PCDHA2: variants seen among roughly 807,000 people sequenced by gnomAD.
PCDHA2 encodes protocadherin alpha-2.
PCDHA2 carries 58 observed loss-of-function variants against 66.0 expected under a neutral mutation model. The observed-to-expected ratio is 0.88, with a 90% CI of 0.71 to 1.09. The LOEUF (loss-of-function observed/expected upper bound fraction) is 1.09, where lower values mean the gene tolerates loss of function less well. PCDHA2 is among the 50% of genes least tolerant of loss of function. PCDHA2 has a pLI of 0.00. For missense variants in PCDHA2, 1,267 were observed against 1,242.3 expected, an observed-to-expected ratio of 1.02 and a Z score of -0.30; for synonymous variants, 634 against 554.0, an observed-to-expected ratio of 1.14 and a Z score of -2.03.
intron 1 of PCDHA2, chr5:140,883,440 C>T (rs781949896): frequency 1.9e-6 from 3 of 1,614,152 alleles, no homozygotes; most frequent in Non-Finnish European, 2.5e-6. Flanking sequence ...ACCTTGACGC[C>T]GCATGTCCCC....
intron 1 of PCDHA2, chr5:140,867,192 C>T (rs2049812222): frequency 1.3e-5 from 2 of 152,080 alleles, no homozygotes; most frequent in African/African-American, 4.8e-5. Flanking sequence ...CGCAAGACTC[C>T]ACATTCCATG....
chr5:140,833,342 T>C (rs183757705), intron 1 of PCDHA2, among the ~76,000 whole-genome samples: 3 of 152,278 alleles, frequency 2.0e-5, no homozygotes, highest in Admixed American at 2.0e-4. Flanking sequence ...GAGTGAAACA[T>C]TCCAGAAAAC....
rs1554119822 is a variant in PCDHA2 at position 140,796,296 on chromosome 5, G to T, written c.1332G>T (p.Glu444Asp). The T allele has an allele frequency of 8.1e-6, 13 of 1,614,172 alleles. No individual in the cohort carries two copies. The highest frequency in any genetic ancestry group is 1.1e-5 in the Non-Finnish European group (13 of 1,180,048). Residue 444 changes from glutamate to aspartate, a missense_variant, in exon 1 of 4, where the codon GAG (glutamate) becomes GAT (aspartate). Coordinates refer to ENST00000526136, the MANE Select transcript of PCDHA2 (RefSeq NM_018905.3). ...GGGCCACCACCAGCGTGTCCATCGA[G>T]GTGGCCGACGTGAACGACAACGCGC... ...SLWATTSVSI[E>D]VADVNDNAPA...
In PCDHA2 at chr5:141,000,416, TATATA is replaced by T. The variant is rs1214257718; in HGVS notation, c.2537-9210_2537-9206del. On this transcript the variant is annotated intron_variant, in intron 3 of 3. Coordinates refer to ENST00000526136, the MANE Select transcript of PCDHA2 (RefSeq NM_018905.3). ...CTCTCTATATATATATATATATATA[TATATA>T]TTTTTTTTTTTTTTTTTTTTTTTGA... 2.1e-3 allele frequency among the ~76,000 whole-genome samples: 195 copies of T among 93,382 alleles called. 1 individual carries two copies. Among genetic ancestry groups the T allele is most frequent in the African/African-American group, 4.2e-3 (94 of 22,362 alleles). 61.3% of individuals were successfully genotyped at this position (93,382 alleles called of 152,430 possible). A position where few individuals can be genotyped will look rare whatever the true frequency, so the allele number is the denominator to read the frequency against.
At chr5:140,908,844 C>T (rs533219921) in intron 1 of PCDHA2, among the ~76,000 whole-genome samples, 2 of 152,272 alleles carry the variant, frequency 1.3e-5, no homozygotes, top group African/African-American at 4.8e-5. Context: ...GCTGGAGTAA[C>T]ATACCCAAAT....
intron 1 of PCDHA2, among the ~76,000 whole-genome samples, chr5:140,975,601 G>A (rs943598203): frequency 1.2e-4 from 19 of 152,192 alleles, no homozygotes; most frequent in African/African-American, 4.6e-4. Flanking sequence ...GCAATTTGTT[G>A]ATGTCTTCCA....
At chr5:140,843,396 C>T (rs2150359152) in intron 1 of PCDHA2, 1 of 1,596,034 alleles carries the variant, frequency 6.3e-7, no homozygotes, top group Non-Finnish European at 8.6e-7. Flanking sequence ...CCGGAAGCGG[C>T]GCTGGTGGAT....
chr5:140,875,498 C>G lies in PCDHA2; in HGVS notation c.2388+78146C>G. 1.9e-6 allele frequency: 3 copies of G among 1,613,292 alleles called. No homozygotes were observed. Among genetic ancestry groups the G allele is most frequent in the Non-Finnish European group, 1.7e-6 (2 of 1,179,476 alleles). ...ATGGTGATTATCGGACCAAGAGGCCCGGGATCCCAGCGTCTGCTGCTCTCG... is the reference window on the plus strand; with the variant it reads ...ATGGTGATTATCGGACCAAGAGGCCGGGGATCCCAGCGTCTGCTGCTCTCG... On this transcript the variant is annotated intron_variant, in intron 1 of 3. Transcript: ENST00000526136.
chr5:140,823,023 C>G, intron 1 of PCDHA2: 1 of 1,614,226 alleles, frequency 6.2e-7, no homozygotes, highest in Non-Finnish European at 8.5e-7. Context: ...ACCGCGAGAG[C>G]GTGTCGGTCT....
At chr5:140,927,226 A>T in intron 1 of PCDHA2, 5 of 1,613,996 alleles carry the variant, frequency 3.1e-6, no homozygotes, top group Non-Finnish European at 4.2e-6. Context: ...CAAGATTCGG[A>T]TTCACGTCCT....
chr5:140,873,837 T>C (rs554313859), intron 1 of PCDHA2, among the ~76,000 whole-genome samples: 1 of 152,210 alleles, frequency 6.6e-6, no homozygotes, highest in South Asian at 2.1e-4. Context: ...ATTTTTGTAT[T>C]TTTAGTAGAG....
Position 140,849,757 on chromosome 5 carries a change from A to G in PCDHA2, c.2388+52405A>G, listed in dbSNP as rs2041104980. ...CTGGACCGCGAGAGTGTGTCCGCCT[A>G]CGAGCTGGTGGTTACCGCGCGGGAC... On this transcript the variant is annotated intron_variant, in intron 1 of 3. Transcript: ENST00000526136. 3.1e-6 allele frequency: 5 copies of G among 1,598,418 alleles called. No homozygotes were observed. The African/African-American group carries it at 6.7e-5, about 21-fold the overall frequency.
intron 1 of PCDHA2, chr5:140,861,505 A>G: frequency 2.1e-6 from 1 of 482,692 alleles, no homozygotes; most frequent in African/African-American, 2.0e-5. Flanking sequence ...ATAGACCTCG[A>G]GGAGCTGTGT....
chr5:140,828,871 A>G, intron 1 of PCDHA2: 1 of 1,614,250 alleles, frequency 6.2e-7, no homozygotes. Flanking sequence ...ACGGAACAAC[A>G]GTTATCAGAC....
intron 1 of PCDHA2, among the ~76,000 whole-genome samples, chr5:140,962,792 T>C (rs1554226245): frequency 6.6e-6 from 1 of 152,234 alleles, no homozygotes; most frequent in African/African-American, 2.4e-5. Context: ...AAAAACTACT[T>C]TGGACAACTC....
intron 1 of PCDHA2, chr5:140,836,570 G>A (rs1294838200): frequency 6.2e-6 from 10 of 1,613,682 alleles, no homozygotes; most frequent in Non-Finnish European, 7.6e-6. Flanking sequence ...CGTCCTCTGA[G>A]GGCGCATGTA....
chr5:140,848,357 T>C (rs2150409370), intron 1 of PCDHA2: 16 of 1,035,266 alleles, frequency 1.5e-5, no homozygotes, highest in African/African-American at 1.1e-4. Context: ...CCTTTTCCCA[T>C]GGGAAAGAGG....
rs782797910 is a variant in PCDHA2 at position 140,795,070 on chromosome 5, C to T, written c.106C>T (p.Pro36Ser). The stretch of plus-strand genomic sequence containing the variant: ...GAGCGGCCAGCTCCGCTACTCCGTC[C>T]CCGAGGAGGCCAAACACGGCACCTT... ...VGSGQLRYSV[P>S]EEAKHGTFVG... The change falls in exon 1 of 4, where the codon CCC becomes TCC. Residue 36 changes from proline (P) to serine (S), a missense_variant. Coordinates refer to ENST00000526136, the MANE Select transcript of PCDHA2 (RefSeq NM_018905.3). 6.2e-7 allele frequency: 1 copy of T among 1,613,950 alleles called. No homozygotes were observed. The highest frequency in any genetic ancestry group is 1.1e-5 in the South Asian group (1 of 91,078).
At position 140,796,478 on chromosome 5, in the gene PCDHA2, C is replaced by T; in HGVS notation, c.1514C>T (p.Ser505Leu). The change falls in exon 1 of 4, where the codon TCG (serine) becomes TTG (leucine). Residue 505 changes from serine (S) to leucine (L), a missense_variant. Ser to Leu is a moderately radical substitution (Grantham distance 145). Coordinates refer to ENST00000526136, the MANE Select transcript of PCDHA2 (RefSeq NM_018905.3). ...CGGCGGGTGGGCGAGCGCGCGTTGT[C>T]GAGCTACGTTTCGGTGCACGCGGAG... ...VERRVGERAL[S>L]SYVSVHAESG... is the part of the protein sequence containing the mutation. 1.9e-6 allele frequency: 3 copies of T among 1,612,232 alleles called. No homozygotes were observed.
Sources: gnomAD v4.1 joint callset for allele counts (sites outside exome capture counted in the v4.1 genomes callset) on GRCh38, gnomAD v4.1.1 for gene constraint, MANE v1.5 for transcripts, NCBI Gene and HGNC (gene_info 2026-07-23, HGNC 2026-07-21) for gene names.